The following ADGRA3 variants were observed in gnomAD, a reference collection of about 807,000 sequenced individuals.
The protein encoded by ADGRA3 is G-protein coupled receptor 125.
A neutral mutation model predicts 119.8 loss-of-function variants in ADGRA3; 56 were observed. The observed-to-expected ratio is 0.47, with a 90% CI of 0.38 to 0.58. ADGRA3 has a LOEUF of 0.58. Ranked by LOEUF, ADGRA3 falls within the 20% of genes least tolerant of loss-of-function variation. The pLI is 0.00. For missense variants in ADGRA3, 1,516 were observed against 1,649.0 expected, an observed-to-expected ratio of 0.92 and a Z score of 1.40; for synonymous variants, 607 against 623.8, an observed-to-expected ratio of 0.97 and a Z score of 0.40.
rs185893203 is a variant in ADGRA3, at chr4:22,406,294, G to T, written c.2233-3495C>A. Among the ~76,000 whole-genome samples the T allele has an allele frequency of 9.9e-5, 15 of 152,250 alleles. No homozygotes were observed. The East Asian group carries it at 2.7e-3, about 27-fold the overall frequency. ...AGTGCTGCAGTAAATGTGAGCGCAG[G>T]TATCTCTTCAATATACTGATTTCCT... On this transcript the variant is annotated intron_variant, in intron 14 of 18. Coordinates refer to ENST00000334304, the MANE Select transcript of ADGRA3 (RefSeq NM_145290.4).
intron 16 of ADGRA3, among the ~76,000 whole-genome samples, chr4:22,396,755 C>G (rs1313592957): frequency 4.3e-5 from 4 of 92,420 alleles, no homozygotes; most frequent in African/African-American, 1.5e-4. Context: ...GACAATGAAA[C>G]GTCTAGACTT....
At chr4:22,506,574 C>T (rs1015530296) in intron 1 of ADGRA3, among the ~76,000 whole-genome samples, 1 of 151,806 alleles carries the variant, frequency 6.6e-6, no homozygotes, top group Non-Finnish European at 1.5e-5. Flanking sequence ...AACAAACAAA[C>T]CAAGGCAAAA....
rs144568977 is a variant in ADGRA3 at position 22,387,833 on chromosome 4, A to G, written c.3838T>C (p.Ser1280Pro). ...TGAATGGCCAAGTTGAGGCCATAAGATTTTTGCTGATTTTCAAGTTCAACC... is the reference window on the plus strand; with the variant it reads ...TGAATGGCCAAGTTGAGGCCATAAGGTTTTTGCTGATTTTCAAGTTCAACC... ...AVVELENQQK[S>P]YGLNLAIQNG... Residue 1280 changes from serine to proline, a missense_variant, in exon 19 of 19, where the codon TCT becomes CCT. Transcript: ENST00000334304. 151 of 1,614,042 alleles carry G rather than the reference A, an allele frequency of 9.4e-5. No individual in the cohort carries two copies. Among genetic ancestry groups the G allele is most frequent in the Non-Finnish European group, 1.2e-4 (144 of 1,179,998 alleles).
intron 12 of ADGRA3, among the ~76,000 whole-genome samples, chr4:22,417,718 C>A (rs919648675): frequency 3.3e-5 from 5 of 152,044 alleles, no homozygotes; most frequent in Non-Finnish European, 1.5e-5. Context: ...GAACAAAGCA[C>A]AACGGGATTA....
chr4:22,511,895 C>CATTT (rs779420785), intron 1 of ADGRA3, among the ~76,000 whole-genome samples: 1 of 102,624 alleles, frequency 9.7e-6, no homozygotes, highest in Non-Finnish European at 1.8e-5. Context: ...TTCTTTCTTT[C>CATTT]TTTTTTTTTT....
At chr4:22,491,379 T>C (rs1193585316) in intron 1 of ADGRA3, among the ~76,000 whole-genome samples, 3 of 152,142 alleles carry the variant, frequency 2.0e-5, no homozygotes, top group Admixed American at 1.3e-4. Context: ...TTGACAAAAA[T>C]CAAAATATAA....
intron 4 of ADGRA3, among the ~76,000 whole-genome samples, chr4:22,448,003 T>C (rs1446733218): frequency 6.6e-6 from 1 of 152,174 alleles, no homozygotes; most frequent in Admixed American, 6.5e-5. Flanking sequence ...GGGCTTAAAA[T>C]GAGAGACTGG....
chr4:22,466,793 G>T (rs1717675781), intron 2 of ADGRA3, among the ~76,000 whole-genome samples: 1 of 152,116 alleles, frequency 6.6e-6, no homozygotes, highest in South Asian at 2.1e-4. Context: ...GTGCACCTCA[G>T]TTACTTCAAC....
At chr4:22,443,847 T>G (rs970234523) in intron 6 of ADGRA3, among the ~76,000 whole-genome samples, 25 of 152,310 alleles carry the variant, frequency 1.6e-4, no homozygotes, top group African/African-American at 4.8e-4. Flanking sequence ...TTTATTTATT[T>G]GCACAAATCT....
At chr4:22,430,221 T>C (rs1389921441) in intron 10 of ADGRA3, among the ~76,000 whole-genome samples, 1 of 152,126 alleles carries the variant, frequency 6.6e-6, no homozygotes, top group East Asian at 1.9e-4. Flanking sequence ...ACTAATACAG[T>C]AAATTGGTAC....
intron 14 of ADGRA3, among the ~76,000 whole-genome samples, chr4:22,403,793 T>C (rs993642317): frequency 2.0e-5 from 3 of 152,128 alleles, no homozygotes; most frequent in Admixed American, 1.3e-4. Context: ...ACGTCACTTA[T>C]AGAACATTAG....
At chr4:22,496,038 TA>T (rs201875251) in intron 1 of ADGRA3, among the ~76,000 whole-genome samples, 25 of 152,128 alleles carry the variant, frequency 1.6e-4, no homozygotes, top group Non-Finnish European at 3.2e-4. Context: ...ATCATTTTTT[TA>T]AAAAAAGATA....
chr4:22,470,031 C>T (rs932703302), intron 2 of ADGRA3, among the ~76,000 whole-genome samples: 4 of 152,246 alleles, frequency 2.6e-5, no homozygotes, highest in Non-Finnish European at 5.9e-5. Flanking sequence ...GCACAGTGTG[C>T]GCACCTTAAA....
In ADGRA3 at chr4:22,413,201, C is replaced by G. The variant is rs762715861; in HGVS notation, c.2213G>C (p.Ser738Thr). 29 of 1,612,804 alleles carry G rather than the reference C, an allele frequency of 1.8e-5. No homozygotes were observed. The highest frequency in any genetic ancestry group is 8.5e-7 in the Non-Finnish European group (1 of 1,179,156). The change falls in exon 14 of 19, where the codon AGT becomes ACT. Residue 738 changes from serine (S) to threonine (T), a missense_variant. Coordinates refer to ENST00000334304, the MANE Select transcript of ADGRA3 (RefSeq NM_145290.4). ...CCATACCATTAAAACTGCATAGTTACTAAGGGAGTAGCACTGAATCGTAGT... is the reference window on the plus strand; with the variant it reads ...CCATACCATTAAAACTGCATAGTTAGTAAGGGAGTAGCACTGAATCGTAGT... ...NITTIQCYSLSNYAVLMDLTG... is the reference protein window; with the variant it reads ...NITTIQCYSLTNYAVLMDLTG...
At chr4:22,391,610 C>T (rs954124036) in intron 17 of ADGRA3, among the ~76,000 whole-genome samples, 1 of 151,318 alleles carries the variant, frequency 6.6e-6, no homozygotes, top group African/African-American at 2.5e-5. Flanking sequence ...ATACTCCATA[C>T]TAGAGCCATA....
chr4:22,457,171 CTT>C (rs1389364813), intron 3 of ADGRA3, among the ~76,000 whole-genome samples: 1 of 152,158 alleles, frequency 6.6e-6, no homozygotes, highest in Non-Finnish European at 1.5e-5. Flanking sequence ...TGAGAATCAA[CTT>C]AAATTCGTTG....
intron 5 of ADGRA3, 96 bp downstream of exon 5, chr4:22,447,344 C>T: frequency 1.3e-6 from 1 of 744,828 alleles, no homozygotes; most frequent in Non-Finnish European, 2.2e-6. Flanking sequence ...ACAAGATTGT[C>T]CTCACAAAGT....
At chr4:22,447,405 CAAA>C (rs201205176) in intron 5 of ADGRA3, 32 bp downstream of exon 5, 15 of 1,000,052 alleles carry the variant, frequency 1.5e-5, no homozygotes, top group Admixed American at 9.1e-5. Flanking sequence ...ACATGAAAAT[CAAA>C]AAAAAAAAGA....
At chr4:22,477,316 T>C (rs1026036575) in intron 1 of ADGRA3, among the ~76,000 whole-genome samples, 7 of 152,200 alleles carry the variant, frequency 4.6e-5, no homozygotes, top group Non-Finnish European at 1.0e-4. Context: ...ATTCAGTTTG[T>C]GTGACAGTCA....
Sources: allele counts gnomAD v4.1 joint callset (sites outside exome capture counted in the v4.1 genomes callset), GRCh38; gene constraint gnomAD v4.1.1; transcripts MANE v1.5; gene names NCBI Gene and HGNC (gene_info 2026-07-23, HGNC 2026-07-21).